ST8SIA2: variants seen among roughly 807,000 people sequenced by gnomAD.
ST8SIA2 encodes alpha-2,8-sialyltransferase 8B.
Under a neutral mutation model 37.6 loss-of-function variants are expected in ST8SIA2, and 22 were observed. That is an observed-to-expected ratio of 0.58 (90% CI 0.42 to 0.83). ST8SIA2 has a LOEUF of 0.83. ST8SIA2 is among the 40% of genes least tolerant of loss of function. The probability of loss-of-function intolerance (pLI) is 0.00; values close to 1 mark genes in which losing one functional copy is unlikely to be tolerated. For synonymous variants in ST8SIA2, 205 were observed against 201.2 expected (o/e 1.02, Z -0.16); for missense variants, 382 against 484.7 (o/e 0.79, Z 1.99).
At chr15:92,430,194 C>A in intron 2 of ST8SIA2, 83 bp downstream of exon 2, 1 of 1,342,478 alleles carries the variant, frequency 7.4e-7, no homozygotes, top group East Asian at 2.4e-5. Flanking sequence ...GGATGGTGCC[C>A]TTCTTACTTA....
Position 92,394,143 on chromosome 15 carries a change from G to GA in ST8SIA2, c.80dup (p.Ile28AspfsTer23). ...CTTCCTCATCTTCGCAGACATCTCA[G>GA]AGATCGAAGAAGAAATCGGGTAAAT... On this transcript the variant is annotated frameshift_variant, in exon 1 of 6. Coordinates refer to ENST00000268164, the MANE Select transcript of ST8SIA2 (RefSeq NM_006011.4). LOFTEE classifies it high-confidence loss of function. 1 of 1,558,420 alleles carries GA rather than the reference G, an allele frequency of 6.4e-7. No homozygotes were observed. Among genetic ancestry groups the GA allele is most frequent in the Non-Finnish European group, 8.7e-7 (1 of 1,150,050 alleles).
At chr15:92,436,233 G>A (rs948094987) in intron 3 of ST8SIA2, among the ~76,000 whole-genome samples, 1 of 152,040 alleles carries the variant, frequency 6.6e-6, no homozygotes, top group Non-Finnish European at 1.5e-5. Context: ...ATTTTAGAGG[G>A]GGTCACCATT....
chr15:92,463,828 T>C (rs2049972883), intron 5 of ST8SIA2, among the ~76,000 whole-genome samples: 1 of 152,166 alleles, frequency 6.6e-6, no homozygotes, highest in Non-Finnish European at 1.5e-5. Context: ...ATTTTTCACC[T>C]CAGAGCCCCA....
intron 1 of ST8SIA2, among the ~76,000 whole-genome samples, chr15:92,426,674 A>C (rs576930566): frequency 8.3e-4 from 126 of 152,358 alleles, no homozygotes; most frequent in Non-Finnish European, 1.6e-3. Context: ...CAAAGTGTAC[A>C]AAGTTTCAGA....
At chr15:92,457,804 C>T (rs189176785) in intron 5 of ST8SIA2, among the ~76,000 whole-genome samples, 153 of 152,286 alleles carry the variant, frequency 1.0e-3, no homozygotes, top group African/African-American at 3.2e-3. Flanking sequence ...CTTGTTTACC[C>T]GTGGAGGCAG....
intron 1 of ST8SIA2, among the ~76,000 whole-genome samples, chr15:92,418,462 CAAAAA>C (rs34061544): frequency 1.4e-4 from 14 of 100,056 alleles, no homozygotes; most frequent in East Asian, 2.6e-4. Flanking sequence ...GACCCTCCCT[CAAAAA>C]AAAAAAAAAA....
At chr15:92,452,905 G>C (rs958542611) in intron 5 of ST8SIA2, among the ~76,000 whole-genome samples, 2 of 152,202 alleles carry the variant, frequency 1.3e-5, no homozygotes, top group East Asian at 3.9e-4. Flanking sequence ...ATATGAGTCT[G>C]GGGGAAAGGG....
At chr15:92,401,113 G>A (rs2049466902) in intron 1 of ST8SIA2, among the ~76,000 whole-genome samples, 1 of 152,158 alleles carries the variant, frequency 6.6e-6, no homozygotes, top group Non-Finnish European at 1.5e-5. Flanking sequence ...AGATGAGTTA[G>A]AGACAGTTGG....
chr15:92,453,668 G>T (rs145083335), intron 5 of ST8SIA2, among the ~76,000 whole-genome samples: 21 of 152,260 alleles, frequency 1.4e-4, no homozygotes, highest in Non-Finnish European at 2.2e-4. Context: ...TTTTCTTTAG[G>T]TGCCAGGCCA....
chr15:92,429,379 TAG>T (rs1419807477), intron 1 of ST8SIA2, among the ~76,000 whole-genome samples: 2 of 152,192 alleles, frequency 1.3e-5, no homozygotes, highest in African/African-American at 4.8e-5. Flanking sequence ...CAGAACCGAA[TAG>T]AGTGTAGGGC....
chr15:92,408,685 ATTTATTTAT>A (rs774886931), intron 1 of ST8SIA2, among the ~76,000 whole-genome samples: 2 of 112,020 alleles, frequency 1.8e-5, no homozygotes, highest in Non-Finnish European at 3.5e-5. Context: ...TTTTTTATTT[ATTTATTTAT>A]TTATTTATTT....
chr15:92,444,502 A>T (rs1055960209), intron 4 of ST8SIA2, 134 bp from the exon 5 acceptor site: 2 of 1,026,138 alleles, frequency 1.9e-6, no homozygotes, highest in African/African-American at 1.6e-5. Context: ...GGGGCCTGTG[A>T]GTGTGGAGAG....
At position 92,412,506 on chromosome 15, in the gene ST8SIA2, T is replaced by C. The variant is rs192230207; in HGVS notation, c.99-17543T>C. Among the ~76,000 whole-genome samples, 2 of 152,300 alleles carry C rather than the reference T, an allele frequency of 1.3e-5. 1 individual carries two copies. The highest frequency in any genetic ancestry group is 1.3e-4 in the Admixed American group (2 of 15,300). ...CCCATGCAGACCTCTCTGCCTGATA[T>C]TCTTCCCACAGCCCTTTGCAAGGCT... On this transcript the variant is annotated intron_variant, in intron 1 of 5. Coordinates refer to ENST00000268164, the MANE Select transcript of ST8SIA2 (RefSeq NM_006011.4).
chr15:92,451,165 A>T (rs528012420), intron 5 of ST8SIA2, among the ~76,000 whole-genome samples: 40 of 152,320 alleles, frequency 2.6e-4, no homozygotes, highest in African/African-American at 8.9e-4. Flanking sequence ...CCAGCATCTA[A>T]GTGGCACAAC....
intron 5 of ST8SIA2, among the ~76,000 whole-genome samples, chr15:92,455,771 T>C (rs1313459955): frequency 6.6e-6 from 1 of 152,218 alleles, no homozygotes; most frequent in African/African-American, 2.4e-5. Flanking sequence ...TGCACATCTA[T>C]AGGTTTTGCT....
At chr15:92,437,210 T>C (rs2049765332) in intron 3 of ST8SIA2, among the ~76,000 whole-genome samples, 1 of 152,228 alleles carries the variant, frequency 6.6e-6, no homozygotes, top group Non-Finnish European at 1.5e-5. Context: ...TGCAGCAGAA[T>C]ATGAAATTAA....
At chr15:92,462,172 A>T (rs753882982) in intron 5 of ST8SIA2, among the ~76,000 whole-genome samples, 18 of 152,236 alleles carry the variant, frequency 1.2e-4, no homozygotes, top group Non-Finnish European at 2.2e-4. Context: ...CTAGGACCAC[A>T]GCCTTCATCA....
At chr15:92,439,063 CAG>C (rs957954535) in intron 4 of ST8SIA2, among the ~76,000 whole-genome samples, 1 of 152,150 alleles carries the variant, frequency 6.6e-6, no homozygotes, top group African/African-American at 2.4e-5. Flanking sequence ...AGAGTCAGAA[CAG>C]AGAGATCATA....
chr15:92,455,446 G>A (rs562011718), intron 5 of ST8SIA2, among the ~76,000 whole-genome samples: 4 of 152,072 alleles, frequency 2.6e-5, no homozygotes, highest in African/African-American at 4.8e-5. Flanking sequence ...AGCCAACTCC[G>A]CTCCGCACCC....
Sources: gnomAD v4.1 joint callset for allele counts (sites outside exome capture counted in the v4.1 genomes callset) on GRCh38, gnomAD v4.1.1 for gene constraint, MANE v1.5 for transcripts, NCBI Gene and HGNC (gene_info 2026-07-23, HGNC 2026-07-21) for gene names.